Variants in PUDP observed in about 807,000 individuals in gnomAD.
The protein encoded by PUDP is pseudouridine 5'-phosphatase.
Under a neutral mutation model 9.4 loss-of-function variants are expected in PUDP, and 8 were observed. That is an observed-to-expected ratio of 0.85 (90% CI 0.50 to 1.53). The LOEUF is 1.53. Ranked by LOEUF, PUDP falls within the 40% of genes most tolerant of loss-of-function variation. The probability of loss-of-function intolerance (pLI) is 0.00; values close to 1 mark genes in which losing one functional copy is unlikely to be tolerated. For missense variants in PUDP, 188 were observed against 189.7 expected (o/e 0.99, Z 0.05); for synonymous variants, 99 against 80.7 (o/e 1.23, Z -1.22).
At chrX:7,010,186 T>A (rs921660046) in intron 1 of PUDP, among the ~76,000 whole-genome samples, 3 of 111,670 alleles carry the variant, frequency 2.7e-5, no homozygotes, top group Non-Finnish European at 5.6e-5. Flanking sequence ...ATTGCTCACA[T>A]CTAGTGTAGG....
chrX:6,793,393 C>G (rs1428025529), intron 3 of PUDP, among the ~76,000 whole-genome samples: 1 of 111,739 alleles, frequency 8.9e-6, no homozygotes, highest in Non-Finnish European at 1.9e-5. Context: ...AGGCCCCCAT[C>G]TCTTAATACT....
At chrX:6,874,168 A>C (rs1481301227) in intron 3 of PUDP, among the ~76,000 whole-genome samples, 1 of 110,409 alleles carries the variant, frequency 9.1e-6, no homozygotes, top group Non-Finnish European at 1.9e-5. Context: ...TTTTTTTTCC[A>C]ACCTGAGCAT....
Position 7,050,155 on chromosome X carries a change from A to G in PUDP, c.*141T>C, listed in dbSNP as rs1930055365. Reference sequence around the variant, plus strand: ...CAACACGTTAGACTGGGACAAACCAACATGGGATGGAAACTCCAATCTCAG... The same window carrying G: ...CAACACGTTAGACTGGGACAAACCAGCATGGGATGGAAACTCCAATCTCAG... On this transcript the variant is annotated 3_prime_UTR_variant, in exon 4 of 4. Coordinates refer to ENST00000381077, the MANE Select transcript of PUDP (RefSeq NM_012080.5). 3.5e-6 allele frequency: 2 copies of G among 563,791 alleles called. No individual in the cohort carries two copies. Among genetic ancestry groups the G allele is most frequent in the South Asian group, 8.3e-5 (2 of 24,171 alleles). 46.5% of individuals were successfully genotyped at this position (563,791 alleles called of 1,213,427 possible).
rs752370729 is a variant in PUDP at position 6,747,716 on chromosome X, T to C, written c.*248-41250A>G. Among the ~76,000 whole-genome samples, 8 of 112,443 alleles carry C rather than the reference T, an allele frequency of 7.1e-5. No individual in the cohort carries two copies. The South Asian group carries it at 3.0e-3, about 42-fold the overall frequency. ...AAATTCAAAATCGCAAAGCACCATA[T>C]ACCAAGTGATGTATTGTACATAATG... On this transcript the variant is annotated intron_variant and NMD_transcript_variant, in intron 3 of 3. Transcript: ENST00000655425.
intron 3 of PUDP, among the ~76,000 whole-genome samples, chrX:6,873,170 C>T (rs1430818662): frequency 9.0e-6 from 1 of 111,332 alleles, no homozygotes; most frequent in Admixed American, 9.6e-5. Flanking sequence ...AACTTAGGGG[C>T]TCTTGGATCC....
chrX:7,132,337 C>G (rs1399057591), intron 1 of PUDP, among the ~76,000 whole-genome samples: 4 of 112,258 alleles, frequency 3.6e-5, no homozygotes, highest in African/African-American at 1.3e-4. Context: ...AAAGTGCCAC[C>G]TGCCTTCCGC....
chrX:7,139,290 T>C lies in PUDP; in HGVS notation c.61+8763A>G, dbSNP rs189959777. On this transcript the variant is annotated intron_variant, in intron 1 of 3. Coordinates refer to ENST00000381077, the MANE Select transcript of PUDP (RefSeq NM_012080.5). ...CTCTAGAGTTGTGCTGTCCACTCTA[T>C]ATTTTGTGTCTCTATGTTACGTTTT... 1.1e-3 allele frequency among the ~76,000 whole-genome samples: 119 copies of C among 112,163 alleles called. 1 individual carries two copies. Among genetic ancestry groups the C allele is most frequent in the African/African-American group, 3.6e-3 (110 of 30,900 alleles).
Position 6,968,452 on chromosome X carries a change from G to C in PUDP, c.*247+8681C>G, listed in dbSNP as rs773543656. 6.3e-5 allele frequency among the ~76,000 whole-genome samples: 7 copies of C among 111,111 alleles called. No homozygotes were observed. The Admixed American group carries it at 6.7e-4, about 11-fold the overall frequency. ...TTTGGCCCTGTGGGTCTGGGGCAGG[G>C]GGGTGTGAGTCACTGTCTTCACTGT... On this transcript the variant is annotated intron_variant and NMD_transcript_variant, in intron 3 of 3. Coordinates refer to the PUDP transcript ENST00000655425.
At chrX:6,918,635 A>G (rs1238804583) in intron 3 of PUDP, among the ~76,000 whole-genome samples, 1 of 112,071 alleles carries the variant, frequency 8.9e-6, no homozygotes, top group African/African-American at 3.2e-5. Flanking sequence ...CCAAGATCAA[A>G]GTGCTGGCAG....
intron 1 of PUDP, among the ~76,000 whole-genome samples, chrX:7,108,913 G>A (rs1019565927): frequency 1.6e-4 from 18 of 112,048 alleles, no homozygotes; most frequent in African/African-American, 5.5e-4. Context: ...AACCTCCACC[G>A]TTCTGGATAC....
chrX:6,922,858 AAAAT>A lies in PUDP; in HGVS notation c.*247+54271_*247+54274del, dbSNP rs755994458. On this transcript the variant is annotated intron_variant and NMD_transcript_variant, in intron 3 of 3. Transcript: ENST00000655425. ...TGCTATTATTTCTTTCATCTTAAAC[AAAAT>A]AAATACAGAACCCTCTCTTGAGCCC... Among the ~76,000 whole-genome samples, 188 of 112,475 alleles carry A rather than the reference AAAAT, an allele frequency of 1.7e-3. 2 individuals are homozygous for A. Among genetic ancestry groups the A allele is most frequent in the African/African-American group, 5.6e-3 (174 of 31,018 alleles).
chrX:6,887,053 TATATG>T lies in PUDP; in HGVS notation c.*247+90075_*247+90079del, dbSNP rs1320883226. ...ATCTATATGATAAATTATATATGAA[TATATG>T]ATATATTATGTATTGTATATTTATA... On this transcript the variant is annotated intron_variant and NMD_transcript_variant, in intron 3 of 3. Coordinates refer to the PUDP transcript ENST00000655425. Among the ~76,000 whole-genome samples the T allele has an allele frequency of 1.5e-4, 16 of 105,864 alleles. 1 individual carries two copies. The highest frequency in any genetic ancestry group is 2.5e-4 in the Non-Finnish European group (13 of 51,961). 91.9% of individuals were successfully genotyped at this position (105,864 alleles called of 115,157 possible).
At chrX:6,802,395 C>G (rs1423261955) in intron 3 of PUDP, among the ~76,000 whole-genome samples, 4 of 111,613 alleles carry the variant, frequency 3.6e-5, no homozygotes, top group African/African-American at 1.3e-4. Flanking sequence ...GAAAGATGAT[C>G]ATCCTCATTT....
At chrX:6,882,688 T>C (rs1927366364) in intron 3 of PUDP, among the ~76,000 whole-genome samples, 1 of 111,373 alleles carries the variant, frequency 9.0e-6, no homozygotes, top group Non-Finnish European at 1.9e-5. Flanking sequence ...ACAACGACTA[T>C]ATCAGGGATC....
chrX:7,073,014 C>A (rs1483816204), intron 3 of PUDP, among the ~76,000 whole-genome samples: 2 of 110,727 alleles, frequency 1.8e-5, no homozygotes, highest in South Asian at 7.8e-4. Context: ...AGTGTGCTCA[C>A]ACTCGCAAGT....
rs185489944 is a variant in PUDP at position 7,056,028 on chromosome X, T to A, written c.511-5556A>T. Among the ~76,000 whole-genome samples the A allele has an allele frequency of 7.0e-4, 78 of 111,454 alleles. 1 individual carries two copies. The Admixed American group carries it at 7.4e-3, about 11-fold the overall frequency. On this transcript the variant is annotated intron_variant, in intron 3 of 3. Transcript: ENST00000381077. ...ATGCTTCCTTTTAAGCACCTCATGTTTTCACTTAGGGGGCAGCCCTTCCTG... is the reference window on the plus strand; with the variant it reads ...ATGCTTCCTTTTAAGCACCTCATGTATTCACTTAGGGGGCAGCCCTTCCTG...
chrX:6,983,343 C>T (rs1929062359), intron 1 of PUDP, among the ~76,000 whole-genome samples: 1 of 111,071 alleles, frequency 9.0e-6, no homozygotes. Context: ...GGAGCAAAGC[C>T]GTTCTCTTCT....
rs55692944 is a variant in PUDP, at chrX:7,024,754, C to CT, written c.205-46412dup. 7.2e-4 allele frequency among the ~76,000 whole-genome samples: 39 copies of CT among 54,451 alleles called. 2 individuals carry two copies. The highest frequency in any genetic ancestry group is 2.3e-3 in the South Asian group (2 of 857). The allele number at this position is 54,451 out of a possible 115,157, so 47.3% of individuals were successfully genotyped here. ...GGCGCTCGCCACCTCGCCCGGCTAACTTTTTTTTTTTTTTTTTTAGTAGAG... is the reference window on the plus strand; with the variant it reads ...GGCGCTCGCCACCTCGCCCGGCTAACTTTTTTTTTTTTTTTTTTTAGTAGAG... On this transcript the variant is annotated intron_variant and NMD_transcript_variant, in intron 1 of 3. Transcript: ENST00000655425.
At chrX:7,141,928 G>A (rs4830620) in intron 1 of PUDP, among the ~76,000 whole-genome samples, 36,900 of 111,159 alleles carry the variant, frequency 0.33, 4,663 homozygotes, top group Middle Eastern at 0.48. Context: ...TTACAGCATG[G>A]TTTACCGAAT....
Sources: gnomAD v4.1 joint callset for allele counts (sites outside exome capture counted in the v4.1 genomes callset) on GRCh38, gnomAD v4.1.1 for gene constraint, MANE v1.5 for transcripts, NCBI Gene and HGNC (gene_info 2026-07-23, HGNC 2026-07-21) for gene names.